Variants in DTD1 observed in about 807,000 individuals in gnomAD.
DTD1 encodes the protein D-aminoacyl-tRNA deacylase 1.
Under a neutral mutation model 25.6 loss-of-function variants are expected in DTD1, and 13 were observed. The ratio of observed to expected loss-of-function variants is 0.51; its 90% confidence interval spans 0.33 to 0.81. The LOEUF is 0.81. Among genes scored for constraint, DTD1 ranks in the 30% least tolerant of loss-of-function variants. The pLI is 0.02. For synonymous variants in DTD1, 110 were observed against 103.6 expected, an observed-to-expected ratio of 1.06 and a Z score of -0.37; for missense variants, 193 against 266.4, an observed-to-expected ratio of 0.72 and a Z score of 1.92.
intron 3 of DTD1, chr20:18,611,030 A>C (rs893126694): frequency 6.6e-6 from 1 of 152,270 alleles, no homozygotes; most frequent in Non-Finnish European, 1.5e-5. Flanking sequence ...TTACTTTCTT[A>C]TTCCCCTAAT....
At chr20:18,719,584 G>GT (rs1487755199) in intron 4 of DTD1, among the ~76,000 whole-genome samples, 4 of 152,240 alleles carry the variant, frequency 2.6e-5, no homozygotes, top group Non-Finnish European at 4.4e-5. Flanking sequence ...CCAGTGCATA[G>GT]TTTGTGGATT....
chr20:18,728,678 C>G (rs1216493360), intron 4 of DTD1, among the ~76,000 whole-genome samples: 1 of 152,112 alleles, frequency 6.6e-6, no homozygotes. Context: ...TTTTTGAGGC[C>G]TCATTTGCAT....
rs138359613 is a variant in DTD1, at chr20:18,642,508, A to G, written c.477+14275A>G. On this transcript the variant is annotated intron_variant, in intron 4 of 5. Coordinates refer to ENST00000377452, the MANE Select transcript of DTD1 (RefSeq NM_080820.6). The stretch of plus-strand genomic sequence containing the variant: ...GGTTTCAATCTCCTGGGCTCAAGCA[A>G]TATTCCTACCTCTGCCTCCCAAAGT... 1.7e-3 allele frequency among the ~76,000 whole-genome samples: 259 copies of G among 152,088 alleles called. 1 individual carries two copies. The highest frequency in any genetic ancestry group is 6.0e-3 in the African/African-American group (247 of 41,504).
intron 5 of DTD1, among the ~76,000 whole-genome samples, chr20:18,751,872 G>GTTGTTT (rs1555804558): frequency 2.0e-5 from 3 of 148,578 alleles, no homozygotes; most frequent in Admixed American, 6.7e-5. Context: ...TGTTGTTGTT[G>GTTGTTT]TTTTAATTTG....
intron 4 of DTD1, among the ~76,000 whole-genome samples, chr20:18,673,458 G>T (rs367774816): frequency 2.0e-5 from 3 of 152,166 alleles, no homozygotes; most frequent in African/African-American, 7.2e-5. Context: ...TAAAGGGAAA[G>T]GCCTAGAGTG....
intron 5 of DTD1, among the ~76,000 whole-genome samples, chr20:18,763,157 ACT>A (rs1199938544): frequency 6.6e-6 from 1 of 151,942 alleles, no homozygotes; most frequent in African/African-American, 2.4e-5. Flanking sequence ...TGAACTGGAG[ACT>A]CTTTGAGGAG....
At chr20:18,690,837 G>A (rs2061043339) in intron 4 of DTD1, among the ~76,000 whole-genome samples, 2 of 151,988 alleles carry the variant, frequency 1.3e-5, no homozygotes, top group African/African-American at 2.4e-5. Context: ...CTCTTTTTTG[G>A]TTTCCTATAA....
intron 3 of DTD1, among the ~76,000 whole-genome samples, chr20:18,605,883 C>T (rs1156654127): frequency 1.3e-5 from 2 of 149,890 alleles, no homozygotes; most frequent in Non-Finnish European, 3.0e-5. Flanking sequence ...ACTTCATGTC[C>T]AAAACACCAA....
intron 4 of DTD1, among the ~76,000 whole-genome samples, chr20:18,708,276 T>A (rs1189590115): frequency 1.5e-4 from 2 of 13,096 alleles, no homozygotes; most frequent in Non-Finnish European, 3.9e-4. Flanking sequence ...TATATATATA[T>A]AATATATATT....
intron 4 of DTD1, among the ~76,000 whole-genome samples, chr20:18,740,679 A>G (rs571211020): frequency 5.2e-4 from 79 of 152,380 alleles, no homozygotes; most frequent in Non-Finnish European, 9.1e-4. Context: ...TTTTTAAATT[A>G]TAGTAAAATA....
intron 4 of DTD1, among the ~76,000 whole-genome samples, chr20:18,638,366 C>T (rs1036183700): frequency 6.6e-6 from 1 of 152,040 alleles, no homozygotes; most frequent in East Asian, 1.9e-4. Flanking sequence ...AGTGGAGAAA[C>T]AAACAAAAAC....
At chr20:18,710,799 G>C (rs1600384896) in intron 4 of DTD1, among the ~76,000 whole-genome samples, 1 of 152,252 alleles carries the variant, frequency 6.6e-6, no homozygotes, top group African/African-American at 2.4e-5. Flanking sequence ...CTGGATGATA[G>C]TGCCACCAGA....
intron 3 of DTD1, among the ~76,000 whole-genome samples, chr20:18,606,994 C>T (rs1029782430): frequency 2.2e-4 from 33 of 151,666 alleles, no homozygotes; most frequent in African/African-American, 7.7e-4. Context: ...AAGTTCATCA[C>T]ATGCTTTTTC....
chr20:18,709,253 A>C (rs893458675), intron 4 of DTD1, among the ~76,000 whole-genome samples: 1 of 152,142 alleles, frequency 6.6e-6, no homozygotes, highest in Admixed American at 6.5e-5. Flanking sequence ...CCAGGGTTTT[A>C]TATTGGCAGC....
intron 3 of DTD1, among the ~76,000 whole-genome samples, chr20:18,625,450 T>G (rs755173561): frequency 6.6e-6 from 1 of 152,218 alleles, no homozygotes; most frequent in Non-Finnish European, 1.5e-5. Context: ...GTCCCAGTGG[T>G]GGTTCACTGG....
intron 4 of DTD1, among the ~76,000 whole-genome samples, chr20:18,729,400 A>T (rs973692714): frequency 6.6e-6 from 1 of 152,252 alleles, no homozygotes; most frequent in African/African-American, 2.4e-5. Flanking sequence ...CTACTGGTAG[A>T]TCCTGAAACT....
At chr20:18,588,301 C>T (rs1014088752) in intron 1 of DTD1, among the ~76,000 whole-genome samples, 186 bp downstream of exon 1, 1 of 152,022 alleles carries the variant, frequency 6.6e-6, no homozygotes, top group African/African-American at 2.4e-5. Context: ...AGCGCGGCGG[C>T]CGGAGAGCCC....
At chr20:18,644,738 A>G (rs537224489) in intron 4 of DTD1, among the ~76,000 whole-genome samples, 140 of 152,306 alleles carry the variant, frequency 9.2e-4, no homozygotes, top group African/African-American at 3.3e-3. Context: ...AGTCTATTTC[A>G]GTACCCAGGA....
chr20:18,708,195 T>G lies in DTD1; in HGVS notation c.478-35905T>G, dbSNP rs6112076. ...TGTATATATATATTTTATATATATA[T>G]TATATATATATTTTATATATATAAT... On this transcript the variant is annotated intron_variant, in intron 4 of 5. Coordinates refer to ENST00000377452, the MANE Select transcript of DTD1 (RefSeq NM_080820.6). Among the ~76,000 whole-genome samples, 3 of 57,054 alleles carry G rather than the reference T, an allele frequency of 5.3e-5. No homozygotes were observed. The South Asian group carries it at 1.8e-3, about 33-fold the overall frequency. 37.4% of individuals were successfully genotyped at this position (57,054 alleles called of 152,430 possible). A position where few individuals can be genotyped will look rare whatever the true frequency, so the allele number is the denominator to read the frequency against.
Sources: gnomAD v4.1 joint callset for allele counts (sites outside exome capture counted in the v4.1 genomes callset) on GRCh38, gnomAD v4.1.1 for gene constraint, MANE v1.5 for transcripts, NCBI Gene and HGNC (gene_info 2026-07-23, HGNC 2026-07-21) for gene names.